PIWIL3: variants seen among roughly 807,000 people sequenced by gnomAD.
The protein encoded by PIWIL3 is piwi like RNA-mediated gene silencing 3, also known as piwi-like protein 3.
PIWIL3 carries 101 observed loss-of-function variants against 109.7 expected under a neutral mutation model. That is an observed-to-expected ratio of 0.92 (90% CI 0.78 to 1.09). The LOEUF (loss-of-function observed/expected upper bound fraction) is 1.09. PIWIL3 is among the 50% of genes least tolerant of loss of function. The pLI, the probability that PIWIL3 is intolerant of heterozygous loss-of-function variation, is 0.00. For missense variants in PIWIL3, 1,031 were observed against 1,072.6 expected (o/e 0.96, Z 0.54); for synonymous variants, 373 against 376.4 (o/e 0.99, Z 0.10).
intron 1 of PIWIL3, among the ~76,000 whole-genome samples, chr22:24,764,669 T>TGTGTGTG (rs1244151941): frequency 5.9e-4 from 86 of 145,890 alleles, no homozygotes; most frequent in Middle Eastern, 3.5e-3. Context: ...TGTGTGTGTG[T>TGTGTGTG]TGAGACAGGA....
At chr22:24,741,401 G>A (rs1237791042) in intron 12 of PIWIL3, among the ~76,000 whole-genome samples, 1 of 152,148 alleles carries the variant, frequency 6.6e-6, no homozygotes, top group African/African-American at 2.4e-5. Context: ...CTATTTGGGA[G>A]GCTGAGGTAG....
chr22:24,769,133 G>T (rs1186914089), intron 1 of PIWIL3, among the ~76,000 whole-genome samples: 1 of 152,160 alleles, frequency 6.6e-6, no homozygotes, highest in African/African-American at 2.4e-5. Flanking sequence ...AAATGGTGTT[G>T]TATTTGTATA....
intron 19 of PIWIL3, among the ~76,000 whole-genome samples, chr22:24,720,263 T>TG (rs1922590131): frequency 3.8e-5 from 2 of 53,016 alleles, no homozygotes; most frequent in African/African-American, 1.1e-4. Flanking sequence ...TAAACTGTTT[T>TG]TTTTTTTTTT....
intron 18 of PIWIL3, 61 bp downstream of exon 18, chr22:24,724,826 C>A: frequency 1.3e-6 from 2 of 1,541,446 alleles, no homozygotes; most frequent in South Asian, 2.4e-5. Flanking sequence ...CCCACCTTAA[C>A]CTTCCAAAGT....
At chr22:24,734,291 GAA>G (rs767771406) in intron 13 of PIWIL3, 135 bp from the exon 14 acceptor site, 9 of 1,348,664 alleles carry the variant, frequency 6.7e-6, no homozygotes, top group Non-Finnish European at 3.9e-6. Context: ...ATGTTTAAAA[GAA>G]AAAAGACAGT....
intron 1 of PIWIL3, among the ~76,000 whole-genome samples, chr22:24,764,670 T>TGTGTGTGTGTGTGTGTGTGTGTGTGTGTG (rs1407710318): frequency 1.8e-5 from 1 of 56,336 alleles, no homozygotes; most frequent in Non-Finnish European, 3.5e-5. Context: ...GTGTGTGTGT[T>TGTGTGTGTGTGTGTGTGTGTGTGTGTGTG]GAGACAGGAT....
intron 12 of PIWIL3, among the ~76,000 whole-genome samples, chr22:24,739,527 G>A (rs1923854012): frequency 1.3e-5 from 2 of 151,900 alleles, no homozygotes; most frequent in African/African-American, 4.8e-5. Context: ...TCAGAAGAGA[G>A]TAGCATAACA....
rs568191603 is a variant in PIWIL3, at chr22:24,769,428, T to C, written c.-23+4894A>G. Reference sequence around the variant, plus strand: ...GAGATCGAGACCATACTAGCTAACATGGTGAAACCCCCTCTCTACTAAAAA... The same window carrying C: ...GAGATCGAGACCATACTAGCTAACACGGTGAAACCCCCTCTCTACTAAAAA... On this transcript the variant is annotated intron_variant, in intron 1 of 20. Transcript: ENST00000616349. Among the ~76,000 whole-genome samples the C allele has an allele frequency of 1.1e-4, 16 of 152,134 alleles. No individual in the cohort carries two copies. In the East Asian group the frequency reaches 3.1e-3, roughly 29 times the overall value.
chr22:24,720,473 G>A (rs1457813134), intron 19 of PIWIL3, among the ~76,000 whole-genome samples: 4 of 151,680 alleles, frequency 2.6e-5, no homozygotes, highest in African/African-American at 7.3e-5. Flanking sequence ...GGGTTTCACC[G>A]TGTTAGCCAG....
chr22:24,757,637 C>CACACAT (rs371066474), intron 4 of PIWIL3, among the ~76,000 whole-genome samples: 35 of 122,818 alleles, frequency 2.8e-4, no homozygotes, highest in South Asian at 1.7e-3. Context: ...CACACACACA[C>CACACAT]ATATATAAAA....
chr22:24,723,944 C>T (rs981782353), intron 18 of PIWIL3, among the ~76,000 whole-genome samples: 4 of 152,166 alleles, frequency 2.6e-5, no homozygotes, highest in Admixed American at 1.3e-4. Flanking sequence ...TCCCAAAGTG[C>T]TGAGATTACA....
chr22:24,755,545 T>G (rs1177236602), intron 6 of PIWIL3, among the ~76,000 whole-genome samples: 1 of 148,472 alleles, frequency 6.7e-6, no homozygotes, highest in African/African-American at 2.5e-5. Context: ...TTACTCTTTC[T>G]AGGCAGGTAT....
intron 10 of PIWIL3, 55 bp downstream of exon 10, chr22:24,749,638 T>C (rs1016700570): frequency 6.1e-5 from 99 of 1,612,840 alleles, no homozygotes; most frequent in Non-Finnish European, 7.4e-5. Flanking sequence ...CTGAAAAGCC[T>C]GCGTTAAGTC....
chr22:24,743,982 A>G (rs781633289), intron 12 of PIWIL3, among the ~76,000 whole-genome samples: 12 of 151,980 alleles, frequency 7.9e-5, no homozygotes, highest in Non-Finnish European at 4.4e-5. Context: ...AAAAATATGC[A>G]ATGGATACAC....
chr22:24,763,392 C>G (rs1925568020), intron 1 of PIWIL3, among the ~76,000 whole-genome samples: 1 of 152,118 alleles, frequency 6.6e-6, no homozygotes, highest in African/African-American at 2.4e-5. Flanking sequence ...CCTCCGCCTC[C>G]CGGGCTCCAG....
chr22:24,760,254 A>C (rs1251456237), intron 2 of PIWIL3, among the ~76,000 whole-genome samples: 1 of 152,180 alleles, frequency 6.6e-6, no homozygotes, highest in East Asian at 1.9e-4. Flanking sequence ...TCACTAGCTG[A>C]TGGGGGCAAA....
chr22:24,754,774 T>A lies in PIWIL3; in HGVS notation c.773+10A>T. On this transcript the variant is annotated intron_variant, in intron 7 of 20. Coordinates refer to ENST00000616349, the MANE Select transcript of PIWIL3 (RefSeq NM_001255975.1). The stretch of plus-strand genomic sequence containing the variant: ...TCTGCAGAGTGTGAAATTTTCTACT[T>A]TATACAAACCCATGACGGTATAACT... 6.3e-7 allele frequency: 1 copy of A among 1,586,062 alleles called. No individual in the cohort carries two copies. Among genetic ancestry groups the A allele is most frequent in the Non-Finnish European group, 8.7e-7 (1 of 1,154,924 alleles).
At chr22:24,748,030 G>A (rs997147460) in intron 12 of PIWIL3, among the ~76,000 whole-genome samples, 4 of 152,104 alleles carry the variant, frequency 2.6e-5, no homozygotes, top group Non-Finnish European at 5.9e-5. Flanking sequence ...TGGAAGCAAT[G>A]TAAATGTCCA....
chr22:24,749,927 G>A (rs149342103), intron 9 of PIWIL3, 108 bp from the exon 10 acceptor site: 48 of 1,485,920 alleles, frequency 3.2e-5, no homozygotes, highest in African/African-American at 2.1e-4. Flanking sequence ...GGCCACAGGC[G>A]TGCTGGTGAT....
Sources: gnomAD v4.1 joint callset for allele counts (sites outside exome capture counted in the v4.1 genomes callset) on GRCh38, gnomAD v4.1.1 for gene constraint, MANE v1.5 for transcripts, NCBI Gene and HGNC (gene_info 2026-07-23, HGNC 2026-07-21) for gene names.